Variants in ZNF804B observed in about 807,000 individuals in gnomAD.
ZNF804B encodes zinc finger 804B.
ZNF804B carries 80 observed loss-of-function variants against 101.4 expected under a neutral mutation model. The ratio of observed to expected loss-of-function variants is 0.79; its 90% CI spans 0.66 to 0.95. ZNF804B has a LOEUF of 0.95. Among genes scored for constraint, ZNF804B ranks in the 40% least tolerant of loss-of-function variants. The pLI is 0.00. For missense variants in ZNF804B, 1,673 were observed against 1,561.9 expected, an observed-to-expected ratio of 1.07 and a Z score of -1.20; for synonymous variants, 622 against 558.8, an observed-to-expected ratio of 1.11 and a Z score of -1.59.
intron 1 of ZNF804B, among the ~76,000 whole-genome samples, chr7:89,057,443 A>C (rs1789315263): frequency 6.6e-6 from 1 of 152,102 alleles, no homozygotes; most frequent in Admixed American, 6.6e-5. Context: ...CAATGACTGG[A>C]GCTCAGAGTG....
At chr7:89,147,907 G>T (rs956891925) in intron 1 of ZNF804B, among the ~76,000 whole-genome samples, 1 of 151,696 alleles carries the variant, frequency 6.6e-6, no homozygotes, top group Non-Finnish European at 1.5e-5. Context: ...AATATGCTGA[G>T]TTGTATAATT....
rs533717090 is a variant in ZNF804B, at chr7:89,191,398, G to A, written c.109-26757G>A. Among the ~76,000 whole-genome samples the A allele has an allele frequency of 3.4e-3, 514 of 152,194 alleles. 3 individuals are homozygous for A. Among genetic ancestry groups the A allele is most frequent in the Non-Finnish European group, 5.9e-3 (399 of 67,984 alleles). On this transcript the variant is annotated intron_variant, in intron 1 of 3. Coordinates refer to ENST00000333190, the MANE Select transcript of ZNF804B (RefSeq NM_181646.5). ...TGATTAGCTCAGCAGCAACTGATAA[G>A]TGGCCATAAGGTGCAAGAAATTATC...
intron 1 of ZNF804B, among the ~76,000 whole-genome samples, chr7:88,796,297 T>G (rs929096971): frequency 1.3e-5 from 2 of 152,160 alleles, no homozygotes; most frequent in Non-Finnish European, 2.9e-5. Context: ...AATGATCTAA[T>G]TTTAATGATA....
chr7:89,335,769 A>G lies in ZNF804B; in HGVS notation c.2787A>G (p.Leu929=), dbSNP rs367960529. 333 of 1,614,128 alleles carry G rather than the reference A, an allele frequency of 2.1e-4. 2 individuals are homozygous for G. In the South Asian group the frequency reaches 3.4e-3, roughly 16 times the overall value. ...ERTPLTAKIL[L]ERVQAKKCQE... ...CCCCTCTAACAGCAAAAATCCTTTT[A>G]GAAAGAGTACAAGCCAAGAAATGTC... Residue 929 remains leucine (L), a synonymous_variant, in exon 4 of 4, where the codon TTA becomes TTG. Transcript: ENST00000333190.
chr7:88,946,467 TTTTGATGTGCTGATGGATTCTG>T (rs1793130629), intron 1 of ZNF804B, among the ~76,000 whole-genome samples: 1 of 152,008 alleles, frequency 6.6e-6, no homozygotes, highest in Non-Finnish European at 1.5e-5. Context: ...TGGATAAGCT[TTTTGATGTGCTGATGGATTCTG>T]TTTGCCAGTA....
Position 89,336,147 on chromosome 7 carries a change from A to C in ZNF804B, c.3165A>C (p.Leu1055Phe), listed in dbSNP as rs1263256029. The change falls in exon 4 of 4, where the codon TTA becomes TTC. Residue 1055 changes from leucine (L) to phenylalanine (F), a missense_variant. By Grantham distance (22) the Leu-to-Phe change is conservative (BLOSUM62 0). Coordinates refer to ENST00000333190, the MANE Select transcript of ZNF804B (RefSeq NM_181646.5). Reference protein sequence around the residue: ...DATTKEQSKPLISEIQPFIQS... With the variant: ...DATTKEQSKPFISEIQPFIQS... Reference sequence around the variant, plus strand: ...CAACAAAAGAACAATCAAAACCTTTAATTAGTGAAATCCAACCTTTTATTC... The same window carrying C: ...CAACAAAAGAACAATCAAAACCTTTCATTAGTGAAATCCAACCTTTTATTC... 4 of 1,613,828 alleles carry C rather than the reference A, an allele frequency of 2.5e-6. No individual in the cohort carries two copies. The Admixed American group carries it at 6.7e-5, about 27-fold the overall frequency.
At chr7:89,215,879 G>A (rs1227154175) in intron 1 of ZNF804B, among the ~76,000 whole-genome samples, 10 of 73,668 alleles carry the variant, frequency 1.4e-4, no homozygotes, top group African/African-American at 3.9e-4. Context: ...GAGAGACTCC[G>A]TCTCTAAATA....
chr7:88,991,477 C>T lies in ZNF804B; in HGVS notation c.109-226678C>T, dbSNP rs148309790. On this transcript the variant is annotated intron_variant, in intron 1 of 3. Transcript: ENST00000333190. ...CTGTGACGCTCTGGAGGGGATCCTT[C>T]CCGTGAGCCTGCTGCTTAGGTACCT... 7.5e-4 allele frequency among the ~76,000 whole-genome samples: 114 copies of T among 152,280 alleles called. 1 individual carries two copies. In the East Asian group the frequency reaches 0.02, roughly 26 times the overall value.
intron 2 of ZNF804B, among the ~76,000 whole-genome samples, chr7:89,324,903 T>C (rs1252521165): frequency 6.6e-6 from 1 of 152,002 alleles, no homozygotes; most frequent in Non-Finnish European, 1.5e-5. Context: ...GTCAGTTTTA[T>C]ACTTTTATTT....
intron 1 of ZNF804B, among the ~76,000 whole-genome samples, chr7:88,849,838 A>G (rs1422743371): frequency 1.3e-5 from 2 of 151,954 alleles, no homozygotes; most frequent in Admixed American, 1.3e-4. Context: ...TTTTAAAAAA[A>G]TATTTGCCTT....
At chr7:89,076,625 A>G (rs1789618351) in intron 1 of ZNF804B, among the ~76,000 whole-genome samples, 1 of 152,222 alleles carries the variant, frequency 6.6e-6, no homozygotes, top group Non-Finnish European at 1.5e-5. Context: ...GTTAGATCCA[A>G]ATGATTTCTG....
intron 1 of ZNF804B, among the ~76,000 whole-genome samples, chr7:89,131,978 C>A (rs1388204096): frequency 2.0e-5 from 3 of 151,894 alleles, no homozygotes; most frequent in African/African-American, 7.3e-5. Flanking sequence ...ATATAAACTG[C>A]ATAAAGGCAA....
intron 1 of ZNF804B, among the ~76,000 whole-genome samples, chr7:88,771,073 T>C (rs1453983983): frequency 3.3e-5 from 5 of 152,164 alleles, no homozygotes; most frequent in Admixed American, 3.3e-4. Flanking sequence ...CATTTTTAAA[T>C]ATTGCCTACT....
intron 3 of ZNF804B, among the ~76,000 whole-genome samples, chr7:89,328,019 C>T (rs1015233822): frequency 5.3e-5 from 8 of 151,840 alleles, no homozygotes; most frequent in Non-Finnish European, 1.2e-4. Flanking sequence ...GCAGTTTTAC[C>T]AAAGCTTGGA....
At chr7:89,090,664 T>C (rs1789870052) in intron 1 of ZNF804B, among the ~76,000 whole-genome samples, 1 of 152,032 alleles carries the variant, frequency 6.6e-6, no homozygotes, top group Non-Finnish European at 1.5e-5. Context: ...AGCTAGTAAT[T>C]TGAGGACTTT....
rs989859642 is a variant in ZNF804B, at chr7:89,333,927, A to T, written c.945A>T (p.Glu315Asp). ...DKHDSIDETL[E>D]DSIGIHASFS... ...ACGACTCTATTGATGAGACACTAGA[A>T]GATTCAATTGGCATTCATGCTTCAT... Residue 315 changes from glutamate to aspartate, a missense_variant, in exon 4 of 4, where the codon GAA becomes GAT. Transcript: ENST00000333190. The T allele has an allele frequency of 1.2e-6, 2 of 1,613,498 alleles. No individual in the cohort carries two copies. The highest frequency in any genetic ancestry group is 1.3e-5 in the African/African-American group (1 of 74,912).
chr7:89,299,956 A>G (rs1459736303), intron 2 of ZNF804B, among the ~76,000 whole-genome samples: 2 of 151,866 alleles, frequency 1.3e-5, no homozygotes, highest in Non-Finnish European at 2.9e-5. Flanking sequence ...ATAGATCCCT[A>G]ATTGCTAGAT....
chr7:88,979,702 A>G (rs531315487), intron 1 of ZNF804B, among the ~76,000 whole-genome samples: 15 of 146,588 alleles, frequency 1.0e-4, no homozygotes, highest in African/African-American at 3.0e-4. Context: ...CTTTAGTTGT[A>G]TCTGCTTCGT....
At chr7:88,993,990 G>C (rs1793884388) in intron 1 of ZNF804B, among the ~76,000 whole-genome samples, 1 of 151,886 alleles carries the variant, frequency 6.6e-6, no homozygotes, top group African/African-American at 2.4e-5. Flanking sequence ...TATATGTATA[G>C]GCTGATGTAT....
Sources: gnomAD v4.1 joint callset for allele counts (sites outside exome capture counted in the v4.1 genomes callset) on GRCh38, gnomAD v4.1.1 for gene constraint, MANE v1.5 for transcripts, NCBI Gene and HGNC (gene_info 2026-07-23, HGNC 2026-07-21) for gene names.